IL1RAPL1: variants seen among roughly 807,000 people sequenced by gnomAD.
IL1RAPL1 encodes interleukin-1 receptor accessory protein-like 1.
In IL1RAPL1, 3 loss-of-function variants were observed where a neutral mutation model predicts 48.4. That is an observed-to-expected ratio of 0.06 (90% confidence interval 0.03 to 0.16). The LOEUF (loss-of-function observed/expected upper bound fraction) is 0.16, where lower values mean the gene tolerates loss of function less well. Ranked by LOEUF, IL1RAPL1 falls within the 10% of genes least tolerant of loss-of-function variation. The pLI, the probability that IL1RAPL1 is intolerant of heterozygous loss-of-function variation, is 1.00. For synonymous variants in IL1RAPL1, 185 were observed against 187.7 expected, an observed-to-expected ratio of 0.99 and a Z score of 0.12; for missense variants, 349 against 530.6, an observed-to-expected ratio of 0.66 and a Z score of 3.36.
At chrX:29,686,987 A>C (rs1250891993) in intron 6 of IL1RAPL1, among the ~76,000 whole-genome samples, 1 of 111,389 alleles carries the variant, frequency 9.0e-6, no homozygotes, top group Non-Finnish European at 1.9e-5. Context: ...ACTATAAAAA[A>C]AAAAAACAAA....
chrX:29,906,462 TATATATATATATATATATA>T (rs1932624719), intron 6 of IL1RAPL1, among the ~76,000 whole-genome samples: 1 of 626 alleles, frequency 1.6e-3, no homozygotes, highest in South Asian at 0.04. Context: ...ACTTTGTAAA[TATATATATATATATATATA>T]TATATATATA....
At position 29,534,671 on chromosome X, in the gene IL1RAPL1, C is replaced by CA. The variant is rs201599050; in HGVS notation, c.704-133753dup. ...GCAACATGGCAAAACCTCATCTCGA[C>CA]AAAAAAGAGAAATTAGGCCGGGCGC... On this transcript the variant is annotated intron_variant, in intron 5 of 10. Transcript: ENST00000378993. Among the ~76,000 whole-genome samples the CA allele has an allele frequency of 7.2e-3, 793 of 109,793 alleles. 3 individuals are homozygous for CA. The highest frequency in any genetic ancestry group is 0.015 in the Middle Eastern group (3 of 205).
At chrX:29,406,239 A>C (rs1430715607) in intron 5 of IL1RAPL1, among the ~76,000 whole-genome samples, 1 of 110,630 alleles carries the variant, frequency 9.0e-6, no homozygotes. Context: ...AATACAAAAA[A>C]TTAGCCGGGC....
At chrX:28,966,831 G>A (rs1924932458) in intron 2 of IL1RAPL1, among the ~76,000 whole-genome samples, 1 of 111,675 alleles carries the variant, frequency 9.0e-6, no homozygotes, top group South Asian at 3.7e-4. Flanking sequence ...TATTAAGCAT[G>A]ATTTATTTTT....
chrX:29,226,699 TG>T (rs1401874836), intron 2 of IL1RAPL1, among the ~76,000 whole-genome samples: 2 of 109,768 alleles, frequency 1.8e-5, no homozygotes, highest in African/African-American at 6.6e-5. Flanking sequence ...CCTCCCAAAG[TG>T]CAGGGATTAC....
intron 2 of IL1RAPL1, among the ~76,000 whole-genome samples, chrX:28,877,032 G>T (rs1345949943): frequency 8.9e-6 from 1 of 111,869 alleles, no homozygotes; most frequent in Admixed American, 9.5e-5. Context: ...AAAAGGCTTT[G>T]TAGCCTTACA....
At chrX:29,456,594 T>A (rs1292183135) in intron 5 of IL1RAPL1, among the ~76,000 whole-genome samples, 2 of 110,763 alleles carry the variant, frequency 1.8e-5, no homozygotes, top group Non-Finnish European at 1.9e-5. Context: ...GCAGAAGATA[T>A]AATAATAAAA....
intron 2 of IL1RAPL1, among the ~76,000 whole-genome samples, chrX:29,251,345 G>A (rs1015581766): frequency 9.0e-6 from 1 of 111,270 alleles, no homozygotes; most frequent in African/African-American, 3.3e-5. Context: ...AAAACAAACC[G>A]ACAAACACAA....
At chrX:29,041,572 CT>C (rs1234114578) in intron 2 of IL1RAPL1, among the ~76,000 whole-genome samples, 1 of 112,165 alleles carries the variant, frequency 8.9e-6, no homozygotes, top group Non-Finnish European at 1.9e-5. Context: ...ATTTGCATTT[CT>C]GGTAACAAAG....
intron 6 of IL1RAPL1, among the ~76,000 whole-genome samples, chrX:29,750,510 C>T (rs187735965): frequency 2.7e-5 from 3 of 111,447 alleles, no homozygotes; most frequent in African/African-American, 9.8e-5. Flanking sequence ...TTAATGGCCA[C>T]ACTAGGAAAC....
At chrX:28,630,902 T>C (rs968734313) in intron 1 of IL1RAPL1, among the ~76,000 whole-genome samples, 3 of 111,981 alleles carry the variant, frequency 2.7e-5, no homozygotes, top group Non-Finnish European at 5.6e-5. Flanking sequence ...ATATTCCCTT[T>C]CCCACCTCTT....
intron 5 of IL1RAPL1, among the ~76,000 whole-genome samples, chrX:29,458,698 C>T (rs1334994581): frequency 9.5e-6 from 1 of 105,441 alleles, no homozygotes; most frequent in African/African-American, 3.5e-5. Context: ...TCGGTATGGT[C>T]TAGATCAGAG....
intron 2 of IL1RAPL1, among the ~76,000 whole-genome samples, chrX:29,107,323 G>A (rs965262618): frequency 8.9e-6 from 1 of 112,121 alleles, no homozygotes; most frequent in African/African-American, 3.2e-5. Flanking sequence ...CATTTGGCTT[G>A]AGAACATTTT....
intron 2 of IL1RAPL1, among the ~76,000 whole-genome samples, chrX:29,218,352 AT>A (rs1419489645): frequency 8.9e-6 from 1 of 111,770 alleles, no homozygotes; most frequent in Admixed American, 9.5e-5. Flanking sequence ...AGCCTAAAAT[AT>A]TTTTTTAAAT....
intron 2 of IL1RAPL1, among the ~76,000 whole-genome samples, chrX:29,252,253 C>A (rs188502776): frequency 5.9e-3 from 582 of 98,642 alleles, no homozygotes; most frequent in Middle Eastern, 0.011. Context: ...TACCCTAAAA[C>A]TTAAAGTACA....
intron 2 of IL1RAPL1, among the ~76,000 whole-genome samples, chrX:29,239,613 C>T (rs1931368827): frequency 8.9e-6 from 1 of 112,126 alleles, no homozygotes; most frequent in African/African-American, 3.2e-5. Flanking sequence ...ACTTCTAGAG[C>T]AAGTTTGTCC....
chrX:29,200,481 A>G (rs751448026), intron 2 of IL1RAPL1, among the ~76,000 whole-genome samples: 20 of 112,276 alleles, frequency 1.8e-4, no homozygotes, highest in Non-Finnish European at 3.4e-4. Flanking sequence ...ACTATTGCAA[A>G]TAGTTCATTT....
chrX:29,531,101 C>G (rs1921024950), intron 5 of IL1RAPL1, among the ~76,000 whole-genome samples: 1 of 111,248 alleles, frequency 9.0e-6, no homozygotes, highest in Admixed American at 9.5e-5. Context: ...GATGATTGTT[C>G]TTATCTTGAA....
chrX:28,938,187 C>G, intron 2 of IL1RAPL1, among the ~76,000 whole-genome samples: 1 of 110,776 alleles, frequency 9.0e-6, no homozygotes, highest in Non-Finnish European at 1.9e-5. Flanking sequence ...CATATGGAAC[C>G]AAAAAAGAGT....
Sources: allele counts gnomAD v4.1 joint callset (sites outside exome capture counted in the v4.1 genomes callset), GRCh38; gene constraint gnomAD v4.1.1; transcripts MANE v1.5; gene names NCBI Gene and HGNC (gene_info 2026-07-23, HGNC 2026-07-21).